The following CADPS variants were observed in gnomAD, a reference collection of about 807,000 sequenced individuals.
The protein encoded by CADPS is calcium dependent secretion activator, also known as calcium-dependent secretion activator 1.
Under a neutral mutation model 167.3 loss-of-function variants are expected in CADPS, and 57 were observed. That is an observed-to-expected ratio of 0.34 (90% CI 0.28 to 0.42). CADPS has a LOEUF of 0.42. CADPS is among the 20% of genes least tolerant of loss of function. The pLI is 1.00. For synonymous variants in CADPS, 676 were observed against 635.3 expected (o/e 1.06, Z -0.96); for missense variants, 1,414 against 1,738.1 (o/e 0.81, Z 3.32).
At position 62,874,986 on chromosome 3, in the gene CADPS, A is replaced by G. The variant is rs2083411973; in HGVS notation, c.44T>C (p.Val15Ala). 2 of 1,595,706 alleles carry G rather than the reference A, an allele frequency of 1.3e-6. No homozygotes were observed. The highest frequency in any genetic ancestry group is 1.7e-5 in the Admixed American group (1 of 59,128). Residue 15 changes from valine (V) to alanine (A), a missense_variant, in exon 1 of 30, where the codon GTG (valine) becomes GCG (alanine). Transcript: ENST00000383710. The surrounding 1 kb of genome is among the most constrained non-coding windows in gnomAD (Gnocchi z 7.1). ...CACCTCCTTGCCGCTCTCCTCCTCC[A>G]CGATCTCATCCGATTCTTCTTCGCT... ...SSSEEESDEI[V>A]EEESGKEVLG... is the part of the protein sequence containing the mutation.
chr3:62,568,684 TTGTAATCA>T (rs2080745827), intron 9 of CADPS, among the ~76,000 whole-genome samples: 1 of 152,222 alleles, frequency 6.6e-6, no homozygotes, highest in Admixed American at 6.5e-5. Flanking sequence ...TGGCTTTGCC[TTGTAATCA>T]TGTGAGCCAG....
rs1299638890 is a variant in CADPS at position 62,660,655 on chromosome 3, G to T, written c.969+1659C>A. ...GACACCTCTTTCCATAAAGTGAAAA[G>T]CTCTACCCTGTGCCCACCCTCCCTG... is the stretch of plus-strand genomic sequence containing the variant. On this transcript the variant is annotated intron_variant, in intron 4 of 29. Transcript: ENST00000383710. Among the ~76,000 whole-genome samples the T allele has an allele frequency of 2.0e-5, 3 of 152,192 alleles. No homozygotes were observed. The East Asian group carries it at 5.8e-4, about 29-fold the overall frequency.
chr3:62,584,427 A>G (rs953503339), intron 8 of CADPS, among the ~76,000 whole-genome samples: 4 of 152,244 alleles, frequency 2.6e-5, no homozygotes, highest in Non-Finnish European at 4.4e-5. Flanking sequence ...AATGATAGCC[A>G]GTTGGCAGCG....
intron 6 of CADPS, among the ~76,000 whole-genome samples, chr3:62,620,730 C>G (rs1221447343): frequency 6.6e-6 from 1 of 152,160 alleles, no homozygotes; most frequent in African/African-American, 2.4e-5. Flanking sequence ...AGGAGTGGAA[C>G]TGGCATTCAG....
At chr3:62,524,577 C>T (rs1478905520) in intron 13 of CADPS, among the ~76,000 whole-genome samples, 1 of 152,176 alleles carries the variant, frequency 6.6e-6, no homozygotes, top group African/African-American at 2.4e-5. Context: ...GGCAAAAATA[C>T]ACCAGTGAGG....
chr3:62,464,915 G>T (rs2059769129), intron 26 of CADPS, among the ~76,000 whole-genome samples: 1 of 152,156 alleles, frequency 6.6e-6, no homozygotes, highest in Non-Finnish European at 1.5e-5. Context: ...ATTTTTAAAT[G>T]TAGGCAATTC....
At chr3:62,599,797 A>ATTGT (rs1553969034) in intron 6 of CADPS, among the ~76,000 whole-genome samples, 31 of 8,508 alleles carry the variant, frequency 3.6e-3, no homozygotes, top group Non-Finnish European at 5.3e-3. Context: ...TAATATATAT[A>ATTGT]ATATATAATA....
chr3:62,824,431 T>C (rs776965218), intron 1 of CADPS, among the ~76,000 whole-genome samples: 4 of 152,124 alleles, frequency 2.6e-5, no homozygotes, highest in Admixed American at 2.0e-4. Context: ...TGTGAGAGTA[T>C]TCCCTCCAAT....
intron 12 of CADPS, among the ~76,000 whole-genome samples, chr3:62,535,486 A>G (rs2074502608): frequency 6.6e-6 from 1 of 151,864 alleles, no homozygotes; most frequent in South Asian, 2.1e-4. Flanking sequence ...GTCATTATAC[A>G]TATTAGTATC....
At chr3:62,604,761 C>T (rs1225069636) in intron 6 of CADPS, among the ~76,000 whole-genome samples, 1 of 152,228 alleles carries the variant, frequency 6.6e-6, no homozygotes, top group Non-Finnish European at 1.5e-5. Flanking sequence ...CAGTCTAAGG[C>T]TCTTCTGCCC....
chr3:62,432,221 G>A (rs984121231), intron 28 of CADPS, among the ~76,000 whole-genome samples: 4 of 152,186 alleles, frequency 2.6e-5, no homozygotes, highest in South Asian at 2.1e-4. Context: ...TTTTAACTAC[G>A]TCTGTCTACA....
intron 29 of CADPS, 115 bp downstream of exon 29, chr3:62,402,966 G>T (rs1327136838): frequency 3.5e-6 from 2 of 572,304 alleles, no homozygotes; most frequent in African/African-American, 3.8e-5. Context: ...TCTTGTATGA[G>T]ATACTATTTT....
At chr3:62,597,565 G>T (rs556255154) in intron 6 of CADPS, among the ~76,000 whole-genome samples, 1 of 152,230 alleles carries the variant, frequency 6.6e-6, no homozygotes, top group East Asian at 1.9e-4. Context: ...TTCTTGGCAT[G>T]TTCAGTGGGT....
At chr3:62,746,636 C>T (rs573982629) in intron 3 of CADPS, among the ~76,000 whole-genome samples, 9 of 152,278 alleles carry the variant, frequency 5.9e-5, no homozygotes, top group Admixed American at 2.6e-4. Flanking sequence ...CTGTGCCCAA[C>T]CAGGTGATCC....
In CADPS at chr3:62,539,398, T is replaced by G. The variant is rs200209899; in HGVS notation, c.1967-2817A>C. ...GGATTTTACTTGCCCCAAATTATCA[T>G]TTACTCAAAATTGGGCTCATTATTC... On this transcript the variant is annotated intron_variant, in intron 11 of 29. Coordinates refer to ENST00000383710, the MANE Select transcript of CADPS (RefSeq NM_003716.4). Among the ~76,000 whole-genome samples the G allele has an allele frequency of 5.9e-5, 9 of 152,224 alleles. No individual in the cohort carries two copies. In the East Asian group the frequency reaches 1.5e-3, roughly 26 times the overall value.
At chr3:62,571,941 C>G (rs367603165) in intron 8 of CADPS, among the ~76,000 whole-genome samples, 3 of 152,132 alleles carry the variant, frequency 2.0e-5, no homozygotes, top group African/African-American at 7.2e-5. Flanking sequence ...TGGCACCGAT[C>G]TAGGAATCCA....
intron 3 of CADPS, among the ~76,000 whole-genome samples, chr3:62,694,508 A>C (rs1462015264): frequency 6.6e-6 from 1 of 152,040 alleles, no homozygotes. Flanking sequence ...ACCTGGGGGA[A>C]GATCAATTAC....
chr3:62,870,473 A>C (rs1367016408), intron 1 of CADPS, among the ~76,000 whole-genome samples: 3 of 152,164 alleles, frequency 2.0e-5, no homozygotes, highest in Admixed American at 2.0e-4. Flanking sequence ...AAATAAGCCC[A>C]AGTAAATGAA....
intron 3 of CADPS, among the ~76,000 whole-genome samples, chr3:62,702,905 G>T (rs1232906212): frequency 2.0e-5 from 3 of 152,130 alleles, no homozygotes; most frequent in African/African-American, 7.2e-5. Context: ...ATCCCATGCA[G>T]TTAGGTATCA....
Sources: gnomAD v4.1 joint callset for allele counts (sites outside exome capture counted in the v4.1 genomes callset) on GRCh38, gnomAD v4.1.1 for gene constraint, Gnocchi (gnomAD v3.1) non-coding constraint, MANE v1.5 for transcripts, NCBI Gene and HGNC (gene_info 2026-07-23, HGNC 2026-07-21) for gene names.